PLEKHA7: variants seen among roughly 807,000 people sequenced by gnomAD.
The protein encoded by PLEKHA7 is pleckstrin homology domain containing A7.
In PLEKHA7, 104 loss-of-function variants were observed where a neutral mutation model predicts 170.0. That is an observed-to-expected ratio of 0.61 (90% CI 0.52 to 0.72). PLEKHA7 has a LOEUF of 0.72. Among genes scored for constraint, PLEKHA7 ranks in the 30% least tolerant of loss-of-function variants. The pLI, the probability that PLEKHA7 is intolerant of heterozygous loss-of-function variation, is 0.00. For missense variants in PLEKHA7, 1,615 were observed against 1,671.7 expected, an observed-to-expected ratio of 0.97 and a Z score of 0.59; for synonymous variants, 648 against 660.8, an observed-to-expected ratio of 0.98 and a Z score of 0.30.
At chr11:16,923,117 G>A (rs530477189) in intron 3 of PLEKHA7, among the ~76,000 whole-genome samples, 26 of 152,178 alleles carry the variant, frequency 1.7e-4, no homozygotes, top group Non-Finnish European at 8.8e-5. Flanking sequence ...TAGGGACCCC[G>A]CTACCCACCT....
At chr11:16,890,143 C>T (rs1856517966) in intron 3 of PLEKHA7, among the ~76,000 whole-genome samples, 1 of 152,132 alleles carries the variant, frequency 6.6e-6, no homozygotes, top group Non-Finnish European at 1.5e-5. Context: ...ACAATAAATG[C>T]TCAAAGGAAT....
chr11:16,851,058 C>G, intron 8 of PLEKHA7, 133 bp downstream of exon 8: 1 of 589,810 alleles, frequency 1.7e-6, no homozygotes, highest in South Asian at 3.3e-5. Flanking sequence ...AAATAACTTA[C>G]AACTTTGTTA....
intron 8 of PLEKHA7, chr11:16,842,620 A>T (rs1184361386): frequency 2.0e-5 from 3 of 148,202 alleles, no homozygotes; most frequent in African/African-American, 7.4e-5. Context: ...AAAAATCTCA[A>T]AAAAAGGTAC....
chr11:16,865,690 C>T (rs1228042822), intron 4 of PLEKHA7, among the ~76,000 whole-genome samples: 5 of 146,734 alleles, frequency 3.4e-5, no homozygotes, highest in African/African-American at 7.3e-5. Context: ...CAGGGAGACA[C>T]CATCTCAAAA....
rs778677492 is a variant in PLEKHA7, at chr11:16,816,800, C to T, written c.1866G>A (p.Lys622=). ...CCTGGCAGAGCTTCCCGAGCCTCAC[C>T]TTGACAGCGTGGCCCCGTGCCCTCC... ...SPRRARGHAV[K]NSSHVDRRSM... Residue 622 remains lysine (K), a splice_region_variant and synonymous_variant, in exon 11 of 27, where the codon AAG becomes AAA. Transcript: ENST00000531066. 7 of 1,613,236 alleles carry T rather than the reference C, an allele frequency of 4.3e-6. No individual in the cohort carries two copies. Among genetic ancestry groups the T allele is most frequent in the Non-Finnish European group, 5.9e-6 (7 of 1,179,682 alleles).
At chr11:16,821,029 C>T (rs760187105) in intron 10 of PLEKHA7, among the ~76,000 whole-genome samples, 8 of 152,152 alleles carry the variant, frequency 5.3e-5, no homozygotes, top group East Asian at 3.9e-4. Context: ...CCCTAACCTC[C>T]GGTCTTACCC....
At chr11:16,982,205 A>G (rs1190390384) in intron 3 of PLEKHA7, among the ~76,000 whole-genome samples, 1 of 152,262 alleles carries the variant, frequency 6.6e-6, no homozygotes, top group African/African-American at 2.4e-5. Flanking sequence ...ATGCCCTGGA[A>G]GGGCCCCAAG....
At chr11:16,811,437 T>G (rs1034788405) in intron 13 of PLEKHA7, among the ~76,000 whole-genome samples, 3 of 152,150 alleles carry the variant, frequency 2.0e-5, no homozygotes, top group Non-Finnish European at 4.4e-5. Flanking sequence ...AGCTGCTGAC[T>G]GGCTGTCAGG....
In PLEKHA7 at chr11:16,789,513, C is replaced by T. The variant is rs1849645278; in HGVS notation, c.3157-217G>A. On this transcript the variant is annotated intron_variant, in intron 22 of 26. Transcript: ENST00000531066. This position sits in a 1 kb window ranked among gnomAD's most constrained non-coding sequence, Gnocchi z 4.6. ...GTAGCACCCATTCTGCAGATGCAGA[C>T]ACTTAGGCTCAGGCCTGTCCAGTGA... is the stretch of plus-strand genomic sequence containing the variant. 1 of 621,088 alleles carries T rather than the reference C, an allele frequency of 1.6e-6. No homozygotes were observed. The highest frequency in any genetic ancestry group is 2.8e-6 in the Non-Finnish European group (1 of 355,036). The allele number at this position is 621,088 out of a possible 1,614,324, so 38.5% of individuals were successfully genotyped here.
chr11:16,960,131 C>T (rs1054544621), intron 3 of PLEKHA7, among the ~76,000 whole-genome samples: 2 of 152,216 alleles, frequency 1.3e-5, no homozygotes, highest in African/African-American at 4.8e-5. Flanking sequence ...CGGCTTCACT[C>T]TCCACTTTAG....
At chr11:16,910,768 A>C (rs1175006160) in intron 3 of PLEKHA7, among the ~76,000 whole-genome samples, 3 of 152,236 alleles carry the variant, frequency 2.0e-5, no homozygotes, top group Non-Finnish European at 4.4e-5. Context: ...GCCCAAAATC[A>C]ACAAGGGCAT....
In PLEKHA7 at chr11:16,790,839, A is replaced by T. The variant is rs755816080; in HGVS notation, c.3011T>A (p.Leu1004His). Reference sequence around the variant, plus strand: ...CTGGTACCTGCTCTCAGGGCCCACAAGTCCTAGGGAGGGCTGGGCCATGTC... The same window carrying T: ...CTGGTACCTGCTCTCAGGGCCCACATGTCCTAGGGAGGGCTGGGCCATGTC... Reference protein sequence around the residue: ...SGDMAQPSLGLVGPESRYQTL... With the variant: ...SGDMAQPSLGHVGPESRYQTL... The change falls in exon 21 of 27, where the codon CTT becomes CAT. Residue 1004 changes from leucine to histidine, a missense_variant. Leu to His is a moderately conservative substitution (Grantham distance 99). Coordinates refer to ENST00000531066, the MANE Select transcript of PLEKHA7 (RefSeq NM_001329630.2). The T allele has an allele frequency of 3.7e-5, 59 of 1,609,780 alleles. No homozygotes were observed. The highest frequency in any genetic ancestry group is 5.0e-5 in the Non-Finnish European group (59 of 1,178,302).
At chr11:17,004,032 GA>G (rs1293015955) in intron 3 of PLEKHA7, among the ~76,000 whole-genome samples, 3 of 152,198 alleles carry the variant, frequency 2.0e-5, no homozygotes, top group African/African-American at 7.2e-5. Flanking sequence ...TGAACAGGGG[GA>G]ACTCGCATTC....
intron 3 of PLEKHA7, among the ~76,000 whole-genome samples, chr11:17,000,681 T>C (rs1328740293): frequency 6.6e-6 from 1 of 152,198 alleles, no homozygotes; most frequent in Middle Eastern, 3.2e-3. Context: ...ATATAGCATG[T>C]ACAAGTTGCC....
rs1848773640 is a variant in PLEKHA7, at chr11:16,777,865, G to A, written c.*1133C>T. On this transcript the variant is annotated 3_prime_UTR_variant, in exon 27 of 27. Coordinates refer to ENST00000531066, the MANE Select transcript of PLEKHA7 (RefSeq NM_001329630.2). ...GCAGCAAAGGTTCCCATCATGGCCT[G>A]GTTAGAGGGAAGGGATTTCTAGGTA... 1 of 152,242 alleles carries A rather than the reference G, an allele frequency of 6.6e-6. No homozygotes were observed. Among genetic ancestry groups the A allele is most frequent in the Non-Finnish European group, 1.5e-5 (1 of 68,052 alleles). 9.4% of individuals were successfully genotyped at this position (152,242 alleles called of 1,614,324 possible).
chr11:16,914,762 G>T (rs1858512103), intron 3 of PLEKHA7, among the ~76,000 whole-genome samples: 1 of 152,180 alleles, frequency 6.6e-6, no homozygotes, highest in South Asian at 2.1e-4. Context: ...TGCAACATGG[G>T]AATCATTAGC....
chr11:16,987,183 C>A (rs1863781598), intron 3 of PLEKHA7, among the ~76,000 whole-genome samples: 1 of 152,168 alleles, frequency 6.6e-6, no homozygotes, highest in Non-Finnish European at 1.5e-5. Flanking sequence ...TTCACAGGGG[C>A]AATGCCTTGG....
chr11:16,862,035 C>G (rs573645052), intron 4 of PLEKHA7, among the ~76,000 whole-genome samples: 45 of 152,274 alleles, frequency 3.0e-4, no homozygotes, highest in African/African-American at 1.0e-3. Context: ...CACACACAGA[C>G]AGACCGCCAA....
rs376956362 is a variant in PLEKHA7 at position 16,852,954 on chromosome 11, T to C, written c.523-599A>G. Among the ~76,000 whole-genome samples the C allele has an allele frequency of 6.6e-5, 10 of 152,382 alleles. No individual in the cohort carries two copies. The East Asian group carries it at 1.3e-3, about 21-fold the overall frequency. On this transcript the variant is annotated intron_variant, in intron 6 of 26. Transcript: ENST00000531066. ...TGTAAATGTTTGTATTTATCAATAA[T>C]GTTTTAAATTACTGTGAATATTTTT...
Sources: gnomAD v4.1 joint callset for allele counts (sites outside exome capture counted in the v4.1 genomes callset) on GRCh38, gnomAD v4.1.1 for gene constraint, Gnocchi (gnomAD v3.1) non-coding constraint, MANE v1.5 for transcripts, NCBI Gene and HGNC (gene_info 2026-07-23, HGNC 2026-07-21) for gene names.